Variants in CLK3 observed in about 807,000 individuals in gnomAD.
CLK3 encodes CDC like kinase 3.
CLK3 carries 24 observed loss-of-function variants against 65.2 expected under a neutral mutation model. That is an observed-to-expected ratio of 0.37 (90% confidence interval 0.27 to 0.52). The LOEUF is 0.52. CLK3 is among the 20% of genes least tolerant of loss of function. The pLI is 0.92. For synonymous variants in CLK3, 252 were observed against 240.8 expected, an observed-to-expected ratio of 1.05 and a Z score of -0.43; for missense variants, 506 against 660.0, an observed-to-expected ratio of 0.77 and a Z score of 2.56.
intron 5 of CLK3, chr15:74,623,651 C>A (rs2062120966): frequency 6.6e-6 from 1 of 152,286 alleles, no homozygotes; most frequent in Non-Finnish European, 1.5e-5. Flanking sequence ...GGAGACATGG[C>A]AGACTCAACA....
intron 5 of CLK3, chr15:74,623,521 G>A (rs531932187): frequency 2.0e-5 from 3 of 152,410 alleles, no homozygotes; most frequent in Admixed American, 6.5e-5. Flanking sequence ...GATAGACTGA[G>A]AGGAAGTGTC....
Position 74,630,034 on chromosome 15 carries a change from G to A in CLK3, c.*151G>A, listed in dbSNP as rs1438494505. On this transcript the variant is annotated 3_prime_UTR_variant, in exon 13 of 13. Transcript: ENST00000395066. Reference sequence around the variant, plus strand: ...AGGAGCCTGCAGGGGAGCAGACTTGGTGCCCAGCTGCCAGAAAGCACAGAT... The same window carrying A: ...AGGAGCCTGCAGGGGAGCAGACTTGATGCCCAGCTGCCAGAAAGCACAGAT... 2.9e-6 allele frequency: 2 copies of A among 682,554 alleles called. No homozygotes were observed. The highest frequency in any genetic ancestry group is 4.9e-6 in the Non-Finnish European group (2 of 407,610). 42.3% of individuals were successfully genotyped at this position (682,554 alleles called of 1,614,324 possible).
upstream of CLK3, chr15:74,615,422 G>C: frequency 7.9e-7 from 1 of 1,265,444 alleles, no homozygotes; most frequent in Non-Finnish European, 1.0e-6. Flanking sequence ...CAGACCTCAG[G>C]CCGCTCTCGC....
At chr15:74,629,364 G>C in intron 12 of CLK3, 1 of 529,850 alleles carries the variant, frequency 1.9e-6, no homozygotes, top group South Asian at 2.0e-5. Flanking sequence ...GAGGGGGAGG[G>C]AAGACCTAGA....
intron 7 of CLK3, among the ~76,000 whole-genome samples, chr15:74,626,176 C>T (rs2062142006): frequency 6.6e-6 from 1 of 152,206 alleles, no homozygotes; most frequent in Non-Finnish European, 1.5e-5. Flanking sequence ...CAGGGACCTC[C>T]TGGACCAGCC....
rs138175046 is a variant in CLK3, at chr15:74,624,539, C to T, written c.534-363C>T. 2.1e-5 allele frequency: 4 copies of T among 194,344 alleles called. No individual in the cohort carries two copies. Among genetic ancestry groups the T allele is most frequent in the South Asian group, 1.8e-4 (1 of 5,590 alleles). The allele number at this position is 194,344 out of a possible 1,614,324, so 12.0% of individuals were successfully genotyped here. ...GAGGGTTCTCGGTGGGACAGCCTGG[C>T]CAGGGTTGGGGCTGCCTGGCCTATA... On this transcript the variant is annotated intron_variant, in intron 5 of 12. Coordinates refer to ENST00000395066, the MANE Select transcript of CLK3 (RefSeq NM_001130028.2). The surrounding 1 kb of genome is among the most constrained non-coding windows in gnomAD (Gnocchi z 4.2).
At position 74,629,688 on chromosome 15, in the gene CLK3, A is replaced by C. The variant is rs745422495; in HGVS notation, c.1297-19A>C. The C allele has an allele frequency of 6.3e-7, 1 of 1,597,674 alleles. No individual in the cohort carries two copies. Among genetic ancestry groups the C allele is most frequent in the South Asian group, 1.1e-5 (1 of 90,230 alleles). On this transcript the variant is annotated intron_variant, in intron 12 of 12. Transcript: ENST00000395066. ...CACGACCCTGCCGTCACACTGAGGC[A>C]CCTTGTGTCCCTGAGCAGAGTTACA...
In CLK3 at chr15:74,624,116, G is replaced by A. The variant is rs1386297007; in HGVS notation, c.534-786G>A. ...GGCCTCAGAGGACACGCCCTTCCAG[G>A]CTAGGACTGTCTCGTTCCCCACTGG... On this transcript the variant is annotated intron_variant, in intron 5 of 12. Coordinates refer to ENST00000395066, the MANE Select transcript of CLK3 (RefSeq NM_001130028.2). This position sits in a 1 kb window ranked among gnomAD's most constrained non-coding sequence, Gnocchi z 4.2. 6.6e-6 allele frequency: 1 copy of A among 152,270 alleles called. No individual in the cohort carries two copies. The highest frequency in any genetic ancestry group is 1.9e-4 in the East Asian group (1 of 5,192). The allele number at this position is 152,270 out of a possible 1,614,324, so 9.4% of individuals were successfully genotyped here.
At position 74,629,902 on chromosome 15, in the gene CLK3, TGAG is replaced by T. The variant is rs944071067; in HGVS notation, c.*23_*25del. 1.6e-5 allele frequency: 25 copies of T among 1,598,304 alleles called. No individual in the cohort carries two copies. The highest frequency in any genetic ancestry group is 2.0e-5 in the Non-Finnish European group (23 of 1,172,670). The stretch of plus-strand genomic sequence containing the variant: ...CAGATGACAGGCACAGGCCACCGCA[TGAG>T]GAGATGGAGGGCGGGACTGGGCCGC... On this transcript the variant is annotated 3_prime_UTR_variant, in exon 13 of 13. Transcript: ENST00000395066.
At chr15:74,623,046 G>A (rs1248544514) in intron 5 of CLK3, among the ~76,000 whole-genome samples, 2 of 152,218 alleles carry the variant, frequency 1.3e-5, no homozygotes, top group Non-Finnish European at 2.9e-5. Flanking sequence ...CACCAAGCAG[G>A]CTGCTGCCTT....
Position 74,627,043 on chromosome 15 carries a change from T to TG in CLK3, c.818-308dup, listed in dbSNP as rs1361283250. On this transcript the variant is annotated intron_variant, in intron 7 of 12. Transcript: ENST00000395066. The surrounding 1 kb of genome is among the most constrained non-coding windows in gnomAD (Gnocchi z 4.3). ...GAAGAGGGAACCACCTCGAGGCTGT[T>TG]GCTGTAGCTCTGCTGAGAGACAGGT... The TG allele has an allele frequency of 3.9e-6, 2 of 513,842 alleles. No individual in the cohort carries two copies. The highest frequency in any genetic ancestry group is 4.5e-5 in the Admixed American group (2 of 44,162). The allele number at this position is 513,842 out of a possible 1,614,324, so 31.8% of individuals were successfully genotyped here.
Position 74,627,384 on chromosome 15 carries a change from T to G in CLK3, c.850T>G (p.Leu284Val). The G allele has an allele frequency of 6.2e-7, 1 of 1,614,160 alleles. No homozygotes were observed. The highest frequency in any genetic ancestry group is 1.6e-4 in the Middle Eastern group (1 of 6,062). The change falls in exon 8 of 13, where the codon TTG (leucine) becomes GTG (valine). Residue 284 changes from leucine (L) to valine (V), a missense_variant. Around this residue, in one of 2 missense-constraint regions of CLK3, gnomAD observed 325 missense variants for 500.5 expected, o/e 0.65. Transcript: ENST00000395066. The surrounding 1 kb of genome is among the most constrained non-coding windows in gnomAD (Gnocchi z 4.3). ...LHENQLTHTD[L>V]KPENILFVNS... ...TGAGAATCAGCTGACCCATACAGACTTGAAACCAGAGAACATCCTGTTTGT... is the reference window on the plus strand; with the variant it reads ...TGAGAATCAGCTGACCCATACAGACGTGAAACCAGAGAACATCCTGTTTGT...
In CLK3 at chr15:74,622,037, C is replaced by T; in HGVS notation, c.370-83C>T. The T allele has an allele frequency of 7.4e-7, 1 of 1,343,010 alleles. No individual in the cohort carries two copies. 83.2% of individuals were successfully genotyped at this position (1,343,010 alleles called of 1,614,324 possible). On this transcript the variant is annotated intron_variant, in intron 3 of 12. Coordinates refer to ENST00000395066, the MANE Select transcript of CLK3 (RefSeq NM_001130028.2). The surrounding 1 kb of genome is among the most constrained non-coding windows in gnomAD (Gnocchi z 4.6). Reference sequence around the variant, plus strand: ...GGCTCCTCACCGTCTCCACCTCTGCCTTTGACTGACACCTCAATCTGTCAA... The same window carrying T: ...GGCTCCTCACCGTCTCCACCTCTGCTTTTGACTGACACCTCAATCTGTCAA...
In CLK3 at chr15:74,627,328, C is replaced by T. The variant is rs1263376819; in HGVS notation, c.818-24C>T. On this transcript the variant is annotated intron_variant, in intron 7 of 12. Coordinates refer to ENST00000395066, the MANE Select transcript of CLK3 (RefSeq NM_001130028.2). The surrounding 1 kb of genome is among the most constrained non-coding windows in gnomAD (Gnocchi z 4.3). The stretch of plus-strand genomic sequence containing the variant: ...AGAGCCAGCTTCTCAGTGCCTACTT[C>T]CCCTTCTTTCCCTGCTACCTTAGTT... 1 of 1,590,818 alleles carries T rather than the reference C, an allele frequency of 6.3e-7. No homozygotes were observed. The highest frequency in any genetic ancestry group is 1.3e-5 in the African/African-American group (1 of 74,566).
At chr15:74,610,512 T>C (rs2061975531) in intron 1 of CLK3, among the ~76,000 whole-genome samples, 1 of 152,228 alleles carries the variant, frequency 6.6e-6, no homozygotes, top group East Asian at 1.9e-4. Context: ...CAGCCTTTGA[T>C]AACGCAGGCG....
chr15:74,629,134 C>G, intron 12 of CLK3, 102 bp downstream of exon 12: 1 of 891,566 alleles, frequency 1.1e-6, no homozygotes, highest in East Asian at 2.4e-5. Context: ...AGGCTGCCTC[C>G]TTGATCCAGC....
chr15:74,627,954 C>G lies in CLK3; in HGVS notation c.1043-16C>G. On this transcript the variant is annotated splice_polypyrimidine_tract_variant and intron_variant, in intron 9 of 12. Coordinates refer to ENST00000395066, the MANE Select transcript of CLK3 (RefSeq NM_001130028.2). This position sits in a 1 kb window ranked among gnomAD's most constrained non-coding sequence, Gnocchi z 4.3. ...TAAGGCCGGATCTCACAGCCTCTCC[C>G]CATCTTGGCTTGCAGAGCTGGGCTG... The G allele has an allele frequency of 1.3e-6, 2 of 1,597,920 alleles. No homozygotes were observed. Among genetic ancestry groups the G allele is most frequent in the Non-Finnish European group, 1.7e-6 (2 of 1,165,144 alleles).
chr15:74,610,936 C>T (rs981145705), upstream of CLK3, among the ~76,000 whole-genome samples: 5 of 152,226 alleles, frequency 3.3e-5, no homozygotes, highest in African/African-American at 1.2e-4. Context: ...TCCTGGTAAC[C>T]TTCCCAAGAA....
In CLK3 at chr15:74,630,097, A is replaced by C; in HGVS notation, c.*214A>C. 1 of 532,426 alleles carries C rather than the reference A, an allele frequency of 1.9e-6. No individual in the cohort carries two copies. 33.0% of individuals were successfully genotyped at this position (532,426 alleles called of 1,614,324 possible). A position where few individuals can be genotyped will look rare whatever the true frequency, so the allele number is the denominator to read the frequency against. ...ATTTATATGTTATAAAGTTATAATA[A>C]AGTGTTTCTTACTGTTTGTAACCCC... On this transcript the variant is annotated 3_prime_UTR_variant, in exon 13 of 13. Coordinates refer to ENST00000395066, the MANE Select transcript of CLK3 (RefSeq NM_001130028.2).
Sources: allele counts gnomAD v4.1 joint callset (sites outside exome capture counted in the v4.1 genomes callset), GRCh38; gene constraint gnomAD v4.1.1; regional missense constraint gnomAD v4.1.1; non-coding constraint Gnocchi (gnomAD v3.1); transcripts MANE v1.5; gene names NCBI Gene and HGNC (gene_info 2026-07-23, HGNC 2026-07-21).